The following TRIQK variants were observed in gnomAD, a reference collection of about 807,000 sequenced individuals.
The protein encoded by TRIQK is triple QxxK/R motif containing.
Under a neutral mutation model 10.8 loss-of-function variants are expected in TRIQK, and 10 were observed. The ratio of observed to expected loss-of-function variants is 0.92; its 90% CI spans 0.57 to 1.57. The LOEUF (loss-of-function observed/expected upper bound fraction) is 1.57, where lower values mean the gene tolerates loss of function less well. Among genes scored for constraint, TRIQK ranks in the 40% most tolerant of loss-of-function variants. The probability of loss-of-function intolerance (pLI) is 0.00; values close to 1 mark genes in which losing one functional copy is unlikely to be tolerated. For missense variants in TRIQK, 107 were observed against 97.7 expected (o/e 1.09, Z -0.40); for synonymous variants, 33 against 33.7 (o/e 0.98, Z 0.07).
intron 2 of TRIQK, among the ~76,000 whole-genome samples, chr8:92,943,607 A>T (rs1490059016): frequency 6.6e-6 from 1 of 152,246 alleles, no homozygotes; most frequent in Non-Finnish European, 1.5e-5. Flanking sequence ...GTTCTGGGAA[A>T]AGTGGACATC....
Position 93,008,347 on chromosome 8 carries a change from T to A in TRIQK, c.-181+9262A>T, listed in dbSNP as rs1316580338. ...TGAAAAATATTGAAGAGGACTCAAA[T>A]AAGTATCCAGTAGTCTTCGATGGGA... On this transcript the variant is annotated intron_variant, in intron 1 of 4. Transcript: ENST00000520686. Among the ~76,000 whole-genome samples, 3 of 152,124 alleles carry A rather than the reference T, an allele frequency of 2.0e-5. No homozygotes were observed. In the South Asian group the frequency reaches 6.2e-4, roughly 32 times the overall value.
At chr8:93,000,922 C>T (rs1372714828) in intron 1 of TRIQK, among the ~76,000 whole-genome samples, 1 of 146,176 alleles carries the variant, frequency 6.8e-6, no homozygotes, top group African/African-American at 2.5e-5. Flanking sequence ...AAAAGAGCTA[C>T]AAAACAATCA....
intron 1 of TRIQK, among the ~76,000 whole-genome samples, chr8:92,989,834 T>C (rs1243911068): frequency 6.6e-6 from 1 of 152,044 alleles, no homozygotes; most frequent in Non-Finnish European, 1.5e-5. Context: ...AGCATAAAAG[T>C]AGGTGAAGAC....
rs569544836 is a variant in TRIQK, at chr8:92,883,672, A to ATGAC, written c.*2946_*2949dup. On this transcript the variant is annotated 3_prime_UTR_variant, in exon 5 of 5. Coordinates refer to ENST00000521988, the MANE Select transcript of TRIQK (RefSeq NM_001171797.2). ...ATGCATTTATTAAATTTATATGCAG[A>ATGAC]TGACTACACTACTGCAATTACAGAA... is the stretch of plus-strand genomic sequence containing the variant. 2.2e-3 allele frequency: 327 copies of ATGAC among 151,920 alleles called. No individual in the cohort carries two copies. Among genetic ancestry groups the ATGAC allele is most frequent in the African/African-American group, 7.4e-3 (309 of 41,514 alleles). 9.4% of individuals were successfully genotyped at this position (151,920 alleles called of 1,614,324 possible).
At chr8:92,945,752 A>T (rs1396353927) in intron 2 of TRIQK, among the ~76,000 whole-genome samples, 1 of 152,180 alleles carries the variant, frequency 6.6e-6, no homozygotes, top group Non-Finnish European at 1.5e-5. Flanking sequence ...ATTTGCCCCA[A>T]GAGGTAGCTA....
chr8:92,902,646 C>T (rs1422825254), intron 3 of TRIQK, among the ~76,000 whole-genome samples: 1 of 152,064 alleles, frequency 6.6e-6, no homozygotes, highest in Non-Finnish European at 1.5e-5. Flanking sequence ...GGATTCTGTT[C>T]AGCCATTTTG....
chr8:92,946,244 T>C (rs895476275), intron 2 of TRIQK, among the ~76,000 whole-genome samples: 1 of 152,104 alleles, frequency 6.6e-6, no homozygotes, highest in Non-Finnish European at 1.5e-5. Flanking sequence ...AAATCAAACA[T>C]CACTTTTTCA....
At chr8:93,002,041 A>T (rs934644813) in intron 1 of TRIQK, among the ~76,000 whole-genome samples, 4 of 151,788 alleles carry the variant, frequency 2.6e-5, no homozygotes, top group Admixed American at 2.0e-4. Context: ...TCAATGAAGA[A>T]ATTCTAAAAA....
intron 2 of TRIQK, among the ~76,000 whole-genome samples, chr8:92,928,454 T>C (rs1810555585): frequency 6.6e-6 from 1 of 152,194 alleles, no homozygotes. Context: ...GTATGGTCCA[T>C]AATCACCATT....
At chr8:92,943,690 T>C (rs1426463594) in intron 2 of TRIQK, among the ~76,000 whole-genome samples, 1 of 152,116 alleles carries the variant, frequency 6.6e-6, no homozygotes, top group East Asian at 1.9e-4. Context: ...AATTAAAGGC[T>C]TAAATATAAG....
At position 92,885,239 on chromosome 8, in the gene TRIQK, CT is replaced by C. The variant is rs1469976102; in HGVS notation, c.*1382del. ...CATAATGCTACACAGTCACAGTCGACTTTTTGCAAAAGTACCAGAGAATATC... is the reference window on the plus strand; with the variant it reads ...CATAATGCTACACAGTCACAGTCGACTTTTGCAAAAGTACCAGAGAATATC... On this transcript the variant is annotated 3_prime_UTR_variant, in exon 5 of 5. Transcript: ENST00000521988. 3.1e-6 allele frequency: 1 copy of C among 320,898 alleles called. No individual in the cohort carries two copies. Among genetic ancestry groups the C allele is most frequent in the Non-Finnish European group, 6.2e-6 (1 of 162,450 alleles). The allele number at this position is 320,898 out of a possible 1,614,324, so 19.9% of individuals were successfully genotyped here.
At chr8:92,901,469 T>G (rs1422780970) in intron 3 of TRIQK, among the ~76,000 whole-genome samples, 2 of 152,212 alleles carry the variant, frequency 1.3e-5, no homozygotes, top group Non-Finnish European at 1.5e-5. Flanking sequence ...ATGTTAAATT[T>G]TATCAAATGC....
intron 1 of TRIQK, among the ~76,000 whole-genome samples, chr8:93,014,523 T>C (rs944619844): frequency 1.3e-5 from 2 of 152,142 alleles, no homozygotes; most frequent in Admixed American, 6.6e-5. Flanking sequence ...TTTGTGAGTC[T>C]TACTGGTTTT....
At chr8:92,967,213 T>C (rs1204025018), upstream of TRIQK, among the ~76,000 whole-genome samples, 1 of 151,884 alleles carries the variant, frequency 6.6e-6, no homozygotes, top group Non-Finnish European at 1.5e-5. Context: ...TTTAAAATAG[T>C]GAAACTCTTT....
chr8:93,011,647 G>A (rs1229700051), intron 1 of TRIQK, among the ~76,000 whole-genome samples: 1 of 152,094 alleles, frequency 6.6e-6, no homozygotes, highest in Non-Finnish European at 1.5e-5. Flanking sequence ...AAACATATGA[G>A]TAGGGAAAAA....
At chr8:92,963,777 C>T (rs1224099988) in intron 1 of TRIQK, 2 of 152,024 alleles carry the variant, frequency 1.3e-5, no homozygotes, top group Non-Finnish European at 2.9e-5. Flanking sequence ...CCTGTAATCC[C>T]AGCTACTCGG....
intron 1 of TRIQK, among the ~76,000 whole-genome samples, chr8:93,009,703 T>C (rs1813313150): frequency 6.6e-6 from 1 of 152,056 alleles, no homozygotes; most frequent in Non-Finnish European, 1.5e-5. Flanking sequence ...GTACAGCTAT[T>C]ATGGAAAACA....
chr8:92,999,279 G>T (rs1167636538), intron 1 of TRIQK, among the ~76,000 whole-genome samples: 1 of 152,048 alleles, frequency 6.6e-6, no homozygotes, highest in African/African-American at 2.4e-5. Context: ...ATGACATATT[G>T]GTTTTTGAAT....
intron 1 of TRIQK, among the ~76,000 whole-genome samples, chr8:92,988,035 C>G (rs938211504): frequency 3.1e-5 from 3 of 96,824 alleles, no homozygotes; most frequent in African/African-American, 1.2e-4. Context: ...GAGACGGAGT[C>G]TTGCTCTGTC....
Sources: allele counts gnomAD v4.1 joint callset (sites outside exome capture counted in the v4.1 genomes callset), GRCh38; gene constraint gnomAD v4.1.1; transcripts MANE v1.5; gene names NCBI Gene and HGNC (gene_info 2026-07-23, HGNC 2026-07-21).